UTP18: variants seen among roughly 807,000 people sequenced by gnomAD.
UTP18 encodes UTP18 small subunit processome component, also known as U3 small nucleolar RNA-associated protein 18 homolog.
In UTP18, 36 loss-of-function variants were observed where a neutral mutation model predicts 61.1. That is an observed-to-expected ratio of 0.59 (90% CI 0.45 to 0.78). The LOEUF (loss-of-function observed/expected upper bound fraction) is 0.78. Ranked by LOEUF, UTP18 falls within the 30% of genes least tolerant of loss-of-function variation. UTP18 has a pLI of 0.00. For synonymous variants in UTP18, 282 were observed against 251.1 expected, an observed-to-expected ratio of 1.12 and a Z score of -1.16; for missense variants, 753 against 693.9, an observed-to-expected ratio of 1.09 and a Z score of -0.96.
Position 51,260,838 on chromosome 17 carries a change from C to G in UTP18, c.254C>G (p.Pro85Arg), listed in dbSNP as rs746546839. 1 of 1,598,708 alleles carries G rather than the reference C, an allele frequency of 6.3e-7. No individual in the cohort carries two copies. The highest frequency in any genetic ancestry group is 1.7e-5 in the Admixed American group (1 of 58,156). Residue 85 changes from proline to arginine, a missense_variant, in exon 1 of 14, where the codon CCG (proline) becomes CGG (arginine). Physicochemically the swap from Pro to Arg is moderately radical, Grantham distance 103 (BLOSUM62 -2). Coordinates refer to ENST00000225298, the MANE Select transcript of UTP18 (RefSeq NM_016001.3). ...RNRLRLEEDK[P>R]AVERCLEELV... ...CGCCTGAGGCTGGAGGAGGACAAAC[C>G]GGCCGTGGAGCGGTGCTTGGAGGAG...
At chr17:51,273,287 C>T in intron 4 of UTP18, 75 bp from the exon 5 acceptor site, 2 of 1,052,422 alleles carry the variant, frequency 1.9e-6, no homozygotes, top group Non-Finnish European at 2.7e-6. Context: ...AAAATATATT[C>T]ATAGAAGTTT....
intron 7 of UTP18, 48 bp from the exon 8 acceptor site, chr17:51,279,956 AT>A: frequency 7.1e-7 from 1 of 1,407,684 alleles, no homozygotes; most frequent in East Asian, 2.4e-5. Flanking sequence ...TGATAGTTTT[AT>A]TGAAAACTAT....
intron 9 of UTP18, among the ~76,000 whole-genome samples, chr17:51,283,475 T>G (rs959681120): frequency 4.6e-5 from 7 of 152,070 alleles, no homozygotes; most frequent in African/African-American, 1.7e-4. Context: ...CACCCTTTTC[T>G]TATTCTGTAT....
intron 5 of UTP18, among the ~76,000 whole-genome samples, chr17:51,274,757 G>T (rs1463370340): frequency 6.6e-6 from 1 of 151,684 alleles, no homozygotes; most frequent in Non-Finnish European, 1.5e-5. Flanking sequence ...AGCGACATAG[G>T]TCTCTTTTCT....
chr17:51,285,405 T>G (rs1271941546), intron 10 of UTP18, 37 bp downstream of exon 10: 2 of 1,599,564 alleles, frequency 1.3e-6, no homozygotes, highest in African/African-American at 1.3e-5. Context: ...TTAATCACAT[T>G]GTGCTAATGA....
intron 10 of UTP18, chr17:51,286,506 T>C (rs1308742141): frequency 4.4e-6 from 2 of 456,110 alleles, no homozygotes; most frequent in East Asian, 6.9e-5. Context: ...AAACTGCTTG[T>C]ATATATATCC....
Position 51,280,014 on chromosome 17 carries a change from A to G in UTP18, c.1022A>G (p.Glu341Gly). Residue 341 changes from glutamate (E) to glycine (G), a missense_variant, in exon 8 of 14, where the codon GAG (glutamate) becomes GGG (glycine). By Grantham distance (98) the Glu-to-Gly change is moderately conservative. Transcript: ENST00000225298. ...IPVHQVRGLK[E>G]KIVRSFEVSP... is the part of the protein sequence containing the mutation. ...TCATTTCCTATTTTAGGTTTGAAAGAGAAGATAGTGAGGAGCTTTGAAGTC... is the reference window on the plus strand; with the variant it reads ...TCATTTCCTATTTTAGGTTTGAAAGGGAAGATAGTGAGGAGCTTTGAAGTC... The G allele has an allele frequency of 6.2e-7, 1 of 1,612,390 alleles. No individual in the cohort carries two copies. The highest frequency in any genetic ancestry group is 8.5e-7 in the Non-Finnish European group (1 of 1,179,292).
chr17:51,297,256 C>T (rs941173926), intron 13 of UTP18, among the ~76,000 whole-genome samples: 1 of 152,154 alleles, frequency 6.6e-6, no homozygotes, highest in Non-Finnish European at 1.5e-5. Flanking sequence ...CAATAATTCT[C>T]ATCAAAATTG....
intron 4 of UTP18, among the ~76,000 whole-genome samples, chr17:51,270,687 A>G (rs1904500399): frequency 6.6e-6 from 1 of 152,132 alleles, no homozygotes; most frequent in Non-Finnish European, 1.5e-5. Flanking sequence ...GAGGAGAAAG[A>G]GGGGATTTTT....
At chr17:51,295,220 A>C (rs1242909783) in intron 12 of UTP18, among the ~76,000 whole-genome samples, 1 of 151,958 alleles carries the variant, frequency 6.6e-6, no homozygotes, top group Non-Finnish European at 1.5e-5. Flanking sequence ...CCCATTTGTC[A>C]ATTTTGGCTT....
Position 51,288,099 on chromosome 17 carries a change from A to G in UTP18, c.1399A>G (p.Lys467Glu). Residue 467 changes from lysine (K) to glutamate (E), a missense_variant, in exon 11 of 14, where the codon AAA becomes GAA. Lys to Glu is a moderately conservative substitution (Grantham distance 56). Transcript: ENST00000225298. ...CLQETNPKPIKAIMNLVTGVT... is the reference protein window; with the variant it reads ...CLQETNPKPIEAIMNLVTGVT... ...CCAAGAAACAAACCCAAAGCCAATA[A>G]AAGCTATAATGAACTTGGTTACAGG... The G allele has an allele frequency of 3.7e-6, 6 of 1,610,766 alleles. No individual in the cohort carries two copies. Among genetic ancestry groups the G allele is most frequent in the Non-Finnish European group, 5.1e-6 (6 of 1,179,138 alleles).
intron 6 of UTP18, 123 bp from the exon 7 acceptor site, chr17:51,277,007 T>G: frequency 9.9e-7 from 1 of 1,013,794 alleles, no homozygotes; most frequent in Non-Finnish European, 1.4e-6. Context: ...CGTGGCTGCT[T>G]AAGTCAGCCT....
intron 11 of UTP18, chr17:51,288,646 G>A (rs1905172539): frequency 2.2e-6 from 1 of 455,866 alleles, no homozygotes; most frequent in Admixed American, 2.4e-5. Context: ...TAAATAGCTA[G>A]GTAGTACCTT....
intron 9 of UTP18, 71 bp from the exon 10 acceptor site, chr17:51,285,174 G>A (rs1202104120): frequency 6.4e-7 from 1 of 1,572,956 alleles, no homozygotes; most frequent in Non-Finnish European, 8.7e-7. Context: ...GAGGGACTGA[G>A]AGTGGCCAGT....
At chr17:51,291,621 G>C (rs1905240231) in intron 11 of UTP18, among the ~76,000 whole-genome samples, 1 of 151,966 alleles carries the variant, frequency 6.6e-6, no homozygotes, top group African/African-American at 2.4e-5. Flanking sequence ...TGTAATCCCA[G>C]CTACTCAGGA....
At chr17:51,270,313 A>G (rs1260115171) in intron 4 of UTP18, among the ~76,000 whole-genome samples, 1 of 152,120 alleles carries the variant, frequency 6.6e-6, no homozygotes, top group Admixed American at 6.5e-5. Flanking sequence ...TTTGTTTTTT[A>G]ATATGTTAAA....
intron 10 of UTP18, among the ~76,000 whole-genome samples, chr17:51,286,983 C>CG (rs370008750): frequency 8.2e-5 from 9 of 110,136 alleles, no homozygotes; most frequent in East Asian, 2.0e-4. Context: ...CCCCTTCCCC[C>CG]CCCGACCCAC....
intron 9 of UTP18, among the ~76,000 whole-genome samples, chr17:51,284,353 A>G (rs868198691): frequency 6.6e-6 from 1 of 152,012 alleles, no homozygotes; most frequent in Admixed American, 6.6e-5. Flanking sequence ...AGAGTAAACT[A>G]TTTGTGCTTA....
Position 51,293,258 on chromosome 17 carries a change from T to TC in UTP18, c.1504-644dup, listed in dbSNP as rs551709237. On this transcript the variant is annotated intron_variant, in intron 11 of 13. Transcript: ENST00000225298. ...GCTGGATGCTGTACTGACGCTTTTT[T>TC]CTCTTTCTTCCTTTTCTGCTCAGTT... Among the ~76,000 whole-genome samples the TC allele has an allele frequency of 4.5e-3, 692 of 152,344 alleles. 6 individuals are homozygous for TC. The highest frequency in any genetic ancestry group is 0.016 in the African/African-American group (654 of 41,586).
Sources: allele counts gnomAD v4.1 joint callset (sites outside exome capture counted in the v4.1 genomes callset), GRCh38; gene constraint gnomAD v4.1.1; transcripts MANE v1.5; gene names NCBI Gene and HGNC (gene_info 2026-07-23, HGNC 2026-07-21).